The following RFPL1 variants were observed in gnomAD, a reference collection of about 807,000 sequenced individuals.
RFPL1 encodes the protein ret finger protein like 1.
Under a neutral mutation model 9.6 loss-of-function variants are expected in RFPL1, and 6 were observed. The ratio of observed to expected loss-of-function variants is 0.62; its 90% CI spans 0.34 to 1.23. RFPL1 has a LOEUF of 1.23. Among genes scored for constraint, RFPL1 ranks in the 50% most tolerant of loss-of-function variants. The pLI is 0.03. For synonymous variants in RFPL1, 145 were observed against 149.4 expected (o/e 0.97, Z 0.22); for missense variants, 352 against 398.4 (o/e 0.88, Z 0.99).
At chr22:29,418,496 C>CTTTTTTTTT in the RFPL1 span, among the ~76,000 whole-genome samples, 2 of 124,482 alleles carry the variant, frequency 1.6e-5, no homozygotes, top group African/African-American at 5.9e-5. Context: ...TCTTCGTCTT[C>CTTTTTTTTT]TTTTTTTTTT....
chr22:29,404,945 G>A, the RFPL1 span, among the ~76,000 whole-genome samples: 2 of 152,078 alleles, frequency 1.3e-5, no homozygotes, highest in Admixed American at 6.5e-5. Flanking sequence ...GCCCAGGCTG[G>A]TCTCAAACTT....
chr22:29,408,566 T>C, the RFPL1 span, among the ~76,000 whole-genome samples: 1 of 152,226 alleles, frequency 6.6e-6, no homozygotes, highest in Admixed American at 6.5e-5. Context: ...ACATCAGATA[T>C]TGTAAGATGT....
the RFPL1 span, among the ~76,000 whole-genome samples, chr22:29,420,596 TG>T: frequency 2.0e-5 from 3 of 146,762 alleles, no homozygotes; most frequent in African/African-American, 7.7e-5. Flanking sequence ...CCCAAAGCCT[TG>T]GGATTACAGG....
chr22:29,438,727 C>T (rs1484736142), exon 1 of RFPL1: 2 of 1,574,826 alleles, frequency 1.3e-6, no homozygotes, highest in Non-Finnish European at 1.7e-6. Flanking sequence ...GGGGGATGTG[C>T]TTGAGTGTTT....
At chr22:29,398,479 G>A in the RFPL1 span, among the ~76,000 whole-genome samples, 1 of 152,206 alleles carries the variant, frequency 6.6e-6, no homozygotes, top group Non-Finnish European at 1.5e-5. Flanking sequence ...TTTCGTAGTT[G>A]AGGGCATGCA....
the RFPL1 span, among the ~76,000 whole-genome samples, chr22:29,404,912 T>C: frequency 6.6e-6 from 1 of 152,176 alleles, no homozygotes; most frequent in African/African-American, 2.4e-5. Context: ...ACATTTTTTA[T>C]AGAGAAGAGG....
At chr22:29,438,869 G>C in exon 1 of RFPL1, 5 of 1,613,888 alleles carry the variant, frequency 3.1e-6, no homozygotes, top group Non-Finnish European at 4.2e-6. Context: ...CTTTTCCCCT[G>C]GCAGTGGACA....
the RFPL1 span, among the ~76,000 whole-genome samples, chr22:29,425,839 T>C: frequency 4.5e-4 from 68 of 151,812 alleles, no homozygotes; most frequent in African/African-American, 1.5e-3. Context: ...GTTGAGGTGA[T>C]CTGAGATCAT....
At chr22:29,420,703 C>T in the RFPL1 span, among the ~76,000 whole-genome samples, 22 of 133,382 alleles carry the variant, frequency 1.6e-4, no homozygotes, top group East Asian at 1.9e-3. Context: ...TGCAACGGTG[C>T]GATCTCGGCT....
the RFPL1 span, chr22:29,419,109 C>T: frequency 7.3e-7 from 1 of 1,364,726 alleles, no homozygotes; most frequent in Non-Finnish European, 1.0e-6. Context: ...ATAAACCCTC[C>T]CCTGTCAGCC....
the RFPL1 span, among the ~76,000 whole-genome samples, chr22:29,415,669 G>A: frequency 3.9e-5 from 6 of 152,248 alleles, no homozygotes; most frequent in African/African-American, 1.2e-4. Flanking sequence ...TTATTCGGCC[G>A]GGAAATCGGC....
At chr22:29,409,950 T>G in the RFPL1 span, among the ~76,000 whole-genome samples, 1 of 152,102 alleles carries the variant, frequency 6.6e-6, no homozygotes, top group Non-Finnish European at 1.5e-5. Flanking sequence ...CAACTTTTTC[T>G]TCTTGAAAAA....
the RFPL1 span, among the ~76,000 whole-genome samples, chr22:29,395,461 C>A: frequency 6.6e-6 from 1 of 152,040 alleles, no homozygotes; most frequent in Non-Finnish European, 1.5e-5. Flanking sequence ...AGGCCTGGCA[C>A]AACCCCCAGG....
the RFPL1 span, among the ~76,000 whole-genome samples, chr22:29,397,233 C>T: frequency 6.6e-6 from 1 of 152,124 alleles, no homozygotes; most frequent in African/African-American, 2.4e-5. Flanking sequence ...AAGTAGTTCC[C>T]ACAATGACAT....
chr22:29,422,056 G>A, the RFPL1 span, among the ~76,000 whole-genome samples: 24 of 152,310 alleles, frequency 1.6e-4, no homozygotes, highest in East Asian at 4.1e-3. Context: ...AGGGAGGAAG[G>A]AAGGGCTGGC....
the RFPL1 span, among the ~76,000 whole-genome samples, chr22:29,404,694 TGAGAAATAAAATG>T: frequency 1.3e-5 from 2 of 152,176 alleles, no homozygotes; most frequent in Non-Finnish European, 2.9e-5. Context: ...CATTAGATAA[TGAGAAATAAAATG>T]GAGATACTTG....
the RFPL1 span, among the ~76,000 whole-genome samples, chr22:29,408,577 A>C: frequency 1.3e-5 from 2 of 152,296 alleles, no homozygotes; most frequent in East Asian, 3.9e-4. Context: ...TGTAAGATGT[A>C]TTTCTTTCTC....
At chr22:29,415,776 G>A in the RFPL1 span, among the ~76,000 whole-genome samples, 2 of 152,366 alleles carry the variant, frequency 1.3e-5, no homozygotes, top group South Asian at 2.1e-4. Flanking sequence ...TGACAGGGTC[G>A]TGATAGACTG....
upstream of RFPL1, chr22:29,438,312 A>T (rs1214672245): frequency 6.2e-6 from 1 of 160,206 alleles, no homozygotes; most frequent in African/African-American, 2.5e-5. Context: ...CCTCCCAAGT[A>T]TCTGGGATTA....
Sources: allele counts gnomAD v4.1 joint callset (sites outside exome capture counted in the v4.1 genomes callset), GRCh38; gene constraint gnomAD v4.1.1; transcripts MANE v1.5; gene names NCBI Gene and HGNC (gene_info 2026-07-23, HGNC 2026-07-21).